Variants in GDAP1 observed in about 807,000 individuals in gnomAD.
GDAP1 encodes ganglioside-induced differentiation-associated protein 1.
GDAP1 carries 34 observed loss-of-function variants against 40.1 expected under a neutral mutation model. The observed-to-expected ratio is 0.85, with a 90% CI of 0.64 to 1.13. The LOEUF (loss-of-function observed/expected upper bound fraction) is 1.13, where lower values mean the gene tolerates loss of function less well. Ranked by LOEUF, GDAP1 falls within the 50% of genes most tolerant of loss-of-function variation. The pLI is 0.00. For synonymous variants in GDAP1, 170 were observed against 157.4 expected (o/e 1.08, Z -0.60); for missense variants, 374 against 433.7 (o/e 0.86, Z 1.22).
In GDAP1 at chr8:74,356,868, C is replaced by G. The variant is rs995432083; in HGVS notation, c.311-3269C>G. On this transcript the variant is annotated intron_variant, in intron 2 of 5. Transcript: ENST00000220822. ...TAGCTGGGACTATAGGCGCGCACCA[C>G]CACGCCCGGCTAATTTTTTGTATTT... Among the ~76,000 whole-genome samples the G allele has an allele frequency of 4.6e-5, 7 of 151,740 alleles. No individual in the cohort carries two copies. The East Asian group carries it at 5.8e-4, about 13-fold the overall frequency.
intron 2 of GDAP1, among the ~76,000 whole-genome samples, chr8:74,420,756 A>G (rs75492968): frequency 0.024 from 3,724 of 152,082 alleles, 157 homozygotes; most frequent in African/African-American, 0.085. Context: ...AGATAGTAGA[A>G]ATGGGACCAA....
At chr8:74,394,648 T>C (rs1193104291) in intron 2 of GDAP1, among the ~76,000 whole-genome samples, 1 of 152,192 alleles carries the variant, frequency 6.6e-6, no homozygotes, top group Non-Finnish European at 1.5e-5. Context: ...TACACACCCA[T>C]TCACACTATA....
At chr8:74,421,932 A>G (rs1805862081) in intron 2 of GDAP1, among the ~76,000 whole-genome samples, 1 of 152,160 alleles carries the variant, frequency 6.6e-6, no homozygotes, top group African/African-American at 2.4e-5. Context: ...TATTATTAAT[A>G]TATTGCCTTA....
At chr8:74,476,480 G>A (rs557006624) in intron 2 of GDAP1, among the ~76,000 whole-genome samples, 153 of 152,270 alleles carry the variant, frequency 1.0e-3, no homozygotes, top group Non-Finnish European at 1.3e-3. Context: ...AGGTCTGGTG[G>A]TAACAAATTC....
chr8:74,364,686 T>C lies in GDAP1; in HGVS notation c.*319T>C, dbSNP rs1187293541. ...CAACGTTCATGGCTGCCTGTCTCAT[T>C]GGTAAACCTCACATTTAGTTACTTG... is the stretch of plus-strand genomic sequence containing the variant. On this transcript the variant is annotated 3_prime_UTR_variant, in exon 6 of 6. Transcript: ENST00000220822. 4.0e-6 allele frequency: 2 copies of C among 494,730 alleles called. No individual in the cohort carries two copies. Among genetic ancestry groups the C allele is most frequent in the Non-Finnish European group, 7.9e-6 (2 of 254,236 alleles). The allele number at this position is 494,730 out of a possible 1,614,324, so 30.6% of individuals were successfully genotyped here.
intron 2 of GDAP1, among the ~76,000 whole-genome samples, chr8:74,477,397 G>C (rs775679284): frequency 6.6e-6 from 1 of 152,094 alleles, no homozygotes; most frequent in Non-Finnish European, 1.5e-5. Flanking sequence ...GAGTTCTTGT[G>C]CTGGTTCTTT....
intron 2 of GDAP1, among the ~76,000 whole-genome samples, chr8:74,461,334 A>C (rs1358826724): frequency 6.6e-6 from 1 of 152,192 alleles, no homozygotes; most frequent in African/African-American, 2.4e-5. Flanking sequence ...ATAAACATAC[A>C]TATTATTTAA....
chr8:74,422,828 T>C (rs962456031), intron 2 of GDAP1, among the ~76,000 whole-genome samples: 1 of 151,684 alleles, frequency 6.6e-6, no homozygotes, highest in African/African-American at 2.4e-5. Context: ...TTCTCACTTC[T>C]CACTTCCTGG....
At chr8:74,415,312 A>G (rs943835014) in intron 2 of GDAP1, among the ~76,000 whole-genome samples, 1 of 150,296 alleles carries the variant, frequency 6.7e-6, no homozygotes, top group Admixed American at 6.6e-5. Flanking sequence ...TCATTTTAAA[A>G]CAATTTATTT....
chr8:74,438,627 T>C (rs1468388587), intron 2 of GDAP1, among the ~76,000 whole-genome samples: 1 of 152,188 alleles, frequency 6.6e-6, no homozygotes, highest in Non-Finnish European at 1.5e-5. Flanking sequence ...TTTTTAGAGA[T>C]GGGATCTCTG....
At chr8:74,467,641 G>A (rs115800774) in intron 2 of GDAP1, among the ~76,000 whole-genome samples, 182 of 152,268 alleles carry the variant, frequency 1.2e-3, no homozygotes, top group African/African-American at 4.1e-3. Context: ...TCTTGGAATT[G>A]AGATTATACA....
At chr8:74,404,362 T>C (rs1344256261) in intron 2 of GDAP1, among the ~76,000 whole-genome samples, 1 of 149,596 alleles carries the variant, frequency 6.7e-6, no homozygotes, top group Admixed American at 6.6e-5. Flanking sequence ...TTAATAGTAA[T>C]AGTAATATCA....
intron 2 of GDAP1, among the ~76,000 whole-genome samples, chr8:74,428,233 CAA>C (rs1805975788): frequency 1.2e-3 from 2 of 1,714 alleles, no homozygotes; most frequent in Non-Finnish European, 0.016. Context: ...TTGCTAACAA[CAA>C]CAACAACAAC....
At chr8:74,444,208 ACGCG>A (rs66664867) in intron 2 of GDAP1, among the ~76,000 whole-genome samples, 39 of 1,612 alleles carry the variant, frequency 0.024, 1 homozygote, top group African/African-American at 0.045. Context: ...ACACACACAC[ACGCG>A]CGCACACACA....
chr8:74,398,329 T>C (rs922062841), intron 2 of GDAP1, among the ~76,000 whole-genome samples: 4 of 152,180 alleles, frequency 2.6e-5, no homozygotes, highest in Non-Finnish European at 4.4e-5. Flanking sequence ...TAGATCTTCC[T>C]CCATCCTTTT....
chr8:74,434,855 A>G (rs1044238104), intron 2 of GDAP1, among the ~76,000 whole-genome samples: 3 of 152,228 alleles, frequency 2.0e-5, no homozygotes, highest in Non-Finnish European at 4.4e-5. Context: ...TCATCTTCCA[A>G]CAGAATTGGG....
intron 2 of GDAP1, among the ~76,000 whole-genome samples, chr8:74,446,650 T>A (rs1056397849): frequency 6.6e-6 from 1 of 152,202 alleles, no homozygotes; most frequent in Non-Finnish European, 1.5e-5. Context: ...AAGCTAGTGT[T>A]TATTGATCAA....
chr8:74,440,892 GTAAC>G (rs1563470770), intron 2 of GDAP1, among the ~76,000 whole-genome samples: 2 of 152,008 alleles, frequency 1.3e-5, no homozygotes, highest in African/African-American at 4.8e-5. Flanking sequence ...GCAAACTCAC[GTAAC>G]TAACAATTGT....
intron 2 of GDAP1, among the ~76,000 whole-genome samples, chr8:74,471,465 T>A (rs1182464932): frequency 2.7e-5 from 4 of 150,584 alleles, no homozygotes; most frequent in South Asian, 2.1e-4. Flanking sequence ...TTAAAAAAAA[T>A]AATTCCTTCC....
Sources: allele counts gnomAD v4.1 joint callset (sites outside exome capture counted in the v4.1 genomes callset), GRCh38; gene constraint gnomAD v4.1.1; transcripts MANE v1.5; gene names NCBI Gene and HGNC (gene_info 2026-07-23, HGNC 2026-07-21).